Variants in CHD9 observed in about 807,000 individuals in gnomAD.
CHD9 encodes chromodomain helicase DNA binding protein 9, also known as ATP-dependent chromatin remodeler CHD9.
A neutral mutation model predicts 316.1 loss-of-function variants in CHD9; 77 were observed. That is an observed-to-expected ratio of 0.24 (90% confidence interval 0.20 to 0.29). CHD9 has a LOEUF of 0.29. CHD9 is among the 10% of genes least tolerant of loss of function. The pLI is 1.00. For missense variants in CHD9, 2,763 were observed against 3,438.1 expected, an observed-to-expected ratio of 0.80 and a Z score of 4.91; for synonymous variants, 1,129 against 1,158.3, an observed-to-expected ratio of 0.97 and a Z score of 0.51.
chr16:53,241,592 A>G (rs1169824961), intron 12 of CHD9, among the ~76,000 whole-genome samples: 1 of 152,232 alleles, frequency 6.6e-6, no homozygotes, highest in African/African-American at 2.4e-5. Context: ...ACTTCTTTTT[A>G]GTAAATAACA....
At chr16:53,164,450 G>A (rs2042132809) in intron 2 of CHD9, among the ~76,000 whole-genome samples, 1 of 151,934 alleles carries the variant, frequency 6.6e-6, no homozygotes, top group Non-Finnish European at 1.5e-5. Context: ...GTGATGGTGT[G>A]CACCTGTAGT....
At chr16:53,151,456 A>G (rs2041110415) in intron 1 of CHD9, among the ~76,000 whole-genome samples, 1 of 151,872 alleles carries the variant, frequency 6.6e-6, no homozygotes, top group Admixed American at 6.6e-5. Flanking sequence ...GGGTTTCACC[A>G]TGTTGGCCAG....
intron 12 of CHD9, 116 bp downstream of exon 12, chr16:53,238,702 GT>G: frequency 9.7e-7 from 1 of 1,031,120 alleles, no homozygotes. Context: ...CTAGATCTTA[GT>G]TTAAGTTCTT....
Position 53,209,466 on chromosome 16 carries a change from ATTT to A in CHD9, c.1453-13_1453-11del. The A allele has an allele frequency of 6.5e-7, 1 of 1,535,110 alleles. No individual in the cohort carries two copies. The highest frequency in any genetic ancestry group is 8.8e-7 in the Non-Finnish European group (1 of 1,134,522). On this transcript the variant is annotated splice_polypyrimidine_tract_variant and intron_variant, in intron 2 of 38. Transcript: ENST00000447540. The stretch of plus-strand genomic sequence containing the variant: ...TACTTTGGTATATTCTATAAAAAAT[ATTT>A]TTGTTTCTGTAGCCTCCATCTTCCA...
At chr16:53,193,376 G>A (rs540264440) in intron 2 of CHD9, among the ~76,000 whole-genome samples, 16 of 152,028 alleles carry the variant, frequency 1.1e-4, no homozygotes, top group African/African-American at 3.9e-4. Context: ...ATGAACCCGG[G>A]AGGCAGAGCT....
chr16:53,121,235 G>A, intron 1 of CHD9: 2 of 407,882 alleles, frequency 4.9e-6, no homozygotes, highest in Admixed American at 5.6e-5. Context: ...AATACTTGCT[G>A]AGTGAATTCA....
At chr16:53,170,059 G>GTTTTT (rs2042583078) in intron 2 of CHD9, among the ~76,000 whole-genome samples, 1 of 139,206 alleles carries the variant, frequency 7.2e-6, no homozygotes, top group African/African-American at 2.7e-5. Context: ...GTTTTTTTTT[G>GTTTTT]TTTGTTTTTT....
At chr16:53,284,795 C>T (rs1417323580) in intron 24 of CHD9, among the ~76,000 whole-genome samples, 1 of 152,148 alleles carries the variant, frequency 6.6e-6, no homozygotes, top group Non-Finnish European at 1.5e-5. Flanking sequence ...GACAGGGTCT[C>T]ATTCCCGCGG....
intron 27 of CHD9, among the ~76,000 whole-genome samples, chr16:53,289,078 A>G (rs1160671217): frequency 2.0e-5 from 3 of 152,250 alleles, no homozygotes; most frequent in South Asian, 2.1e-4. Flanking sequence ...AGCATGCAAT[A>G]AAGAGTAAGA....
chr16:53,091,911 CT>C (rs1402949664), intron 1 of CHD9, among the ~76,000 whole-genome samples: 1 of 152,052 alleles, frequency 6.6e-6, no homozygotes, highest in Non-Finnish European at 1.5e-5. Flanking sequence ...TCCTCCTTTC[CT>C]TTTCTTGTAA....
chr16:53,263,173 T>C (rs1027782030), intron 20 of CHD9, 76 bp downstream of exon 20: 24 of 1,100,058 alleles, frequency 2.2e-5, no homozygotes, highest in Non-Finnish European at 3.1e-5. Flanking sequence ...TTTTAAGGTG[T>C]TCAATTATGC....
chr16:53,134,478 T>A (rs1392092492), intron 1 of CHD9, among the ~76,000 whole-genome samples: 1 of 152,102 alleles, frequency 6.6e-6, no homozygotes. Context: ...CCCTTACTTT[T>A]CCACCTCTTG....
intron 1 of CHD9, among the ~76,000 whole-genome samples, chr16:53,130,239 G>A (rs73590887): frequency 1.0e-3 from 157 of 152,032 alleles, no homozygotes; most frequent in African/African-American, 3.7e-3. Context: ...ATCGCGACAC[G>A]CTCCGTGCTC....
Position 53,209,560 on chromosome 16 carries a change from A to C in CHD9, c.1531A>C (p.Lys511Gln). 1 of 1,613,896 alleles carries C rather than the reference A, an allele frequency of 6.2e-7. No homozygotes were observed. The highest frequency in any genetic ancestry group is 8.5e-7 in the Non-Finnish European group (1 of 1,179,810). Residue 511 changes from lysine (K) to glutamine (Q), a missense_variant, in exon 3 of 39, where the codon AAG (lysine) becomes CAG (glutamine). Physicochemically the swap from Lys to Gln is moderately conservative, Grantham distance 53 (BLOSUM62 1). Coordinates refer to ENST00000447540, the MANE Select transcript of CHD9 (RefSeq NM_001308319.2). ...TACCCAGGTGAGGGTCATGTCTGAG[A>C]AGAAGCAGAGAAAAAAGGTGGAATC... ...QNTQVRVMSE[K>Q]KQRKKVESES...
chr16:53,250,122 T>A, intron 17 of CHD9, 56 bp downstream of exon 17: 1 of 1,288,180 alleles, frequency 7.8e-7, no homozygotes, highest in Non-Finnish European at 1.1e-6. Context: ...TAAAATTGTG[T>A]AACTTTTTGG....
chr16:53,138,653 G>A lies in CHD9; in HGVS notation c.-164-17273G>A, dbSNP rs186747100. On this transcript the variant is annotated intron_variant, in intron 1 of 38. Transcript: ENST00000447540. ...GAGGCTTCATATAGAAGATAGATTT[G>A]TCTTTAGCTTTTGTTGTCACTTTGG... 2.0e-5 allele frequency among the ~76,000 whole-genome samples: 3 copies of A among 152,268 alleles called. No individual in the cohort carries two copies. The East Asian group carries it at 5.8e-4, about 29-fold the overall frequency.
At chr16:53,180,454 G>A (rs948488909) in intron 2 of CHD9, among the ~76,000 whole-genome samples, 1 of 152,072 alleles carries the variant, frequency 6.6e-6, no homozygotes, top group Non-Finnish European at 1.5e-5. Context: ...TATCTTCAGG[G>A]GAGAGAAATA....
rs773427499 is a variant in CHD9 at position 53,287,970 on chromosome 16, C to A, written c.5203C>A (p.Pro1735Thr). The A allele has an allele frequency of 6.2e-7, 1 of 1,609,958 alleles. No individual in the cohort carries two copies. Among genetic ancestry groups the A allele is most frequent in the South Asian group, 1.1e-5 (1 of 90,986 alleles). Reference protein sequence around the residue: ...NDYMDGDVEDPEYKPAPAIFK... With the variant: ...NDYMDGDVEDTEYKPAPAIFK... ...GTATTTTAACAGGGATGTGGAAGAT[C>A]CAGAATACAAACCTGCCCCAGCCAT... The change falls in exon 27 of 39, where the codon CCA (proline) becomes ACA (threonine). Residue 1735 changes from proline to threonine, a missense_variant. Physicochemically the swap from Pro to Thr is conservative, Grantham distance 38. Around this residue, in one of 15 missense-constraint regions of CHD9, gnomAD observed 183 missense variants for 258.5 expected, o/e 0.71. Coordinates refer to ENST00000447540, the MANE Select transcript of CHD9 (RefSeq NM_001308319.2).
At chr16:53,064,369 T>A (rs1425576734) in intron 1 of CHD9, among the ~76,000 whole-genome samples, 2 of 152,180 alleles carry the variant, frequency 1.3e-5, no homozygotes, top group East Asian at 3.8e-4. Context: ...TAAAGTTATT[T>A]TGTTGTCGTA....
Sources: allele counts gnomAD v4.1 joint callset (sites outside exome capture counted in the v4.1 genomes callset), GRCh38; gene constraint gnomAD v4.1.1; regional missense constraint gnomAD v4.1.1; transcripts MANE v1.5; gene names NCBI Gene and HGNC (gene_info 2026-07-23, HGNC 2026-07-21).